MGAT5B: variants seen among roughly 807,000 people sequenced by gnomAD.
The protein encoded by MGAT5B is N-acetylglucosaminyl-transferase Vb.
In MGAT5B, 54 loss-of-function variants were observed where a neutral mutation model predicts 95.1. The observed-to-expected ratio is 0.57, with a 90% confidence interval of 0.46 to 0.71. The LOEUF (loss-of-function observed/expected upper bound fraction) is 0.71, where lower values mean the gene tolerates loss of function less well. Among genes scored for constraint, MGAT5B ranks in the 30% least tolerant of loss-of-function variants. MGAT5B has a pLI of 0.00. For missense variants in MGAT5B, 935 were observed against 1,088.6 expected, an observed-to-expected ratio of 0.86 and a Z score of 1.99; for synonymous variants, 464 against 451.0, an observed-to-expected ratio of 1.03 and a Z score of -0.36.
rs1966902311 is a variant in MGAT5B, at chr17:76,869,188, G to A, written c.68+91G>A. 4 of 1,153,546 alleles carry A rather than the reference G, an allele frequency of 3.5e-6. No homozygotes were observed. Among genetic ancestry groups the A allele is most frequent in the Non-Finnish European group, 5.2e-6 (4 of 763,752 alleles). 71.5% of individuals were successfully genotyped at this position (1,153,546 alleles called of 1,614,324 possible). ...TCCTGCGAACGTTCAAGTCCTGGTG[G>A]CAGAGGGGGCGGTTCACACTTCAAC... On this transcript the variant is annotated intron_variant, in intron 1 of 17. Coordinates refer to ENST00000569840, the MANE Select transcript of MGAT5B (RefSeq NM_001199172.2). The surrounding 1 kb of genome is among the most constrained non-coding windows in gnomAD (Gnocchi z 7.0).
rs1967386612 is a variant in MGAT5B at position 76,880,930 on chromosome 17, C to T, written c.182-1221C>T. On this transcript the variant is annotated intron_variant, in intron 2 of 17. Coordinates refer to ENST00000569840, the MANE Select transcript of MGAT5B (RefSeq NM_001199172.2). Reference sequence around the variant, plus strand: ...GTCCCAGGCTCTGCTTCTGGGGAGCCCAACCCACGGCATCCTCCATTGGGC... The same window carrying T: ...GTCCCAGGCTCTGCTTCTGGGGAGCTCAACCCACGGCATCCTCCATTGGGC... 3.3e-5 allele frequency among the ~76,000 whole-genome samples: 5 copies of T among 152,176 alleles called. No homozygotes were observed. In the South Asian group the frequency reaches 6.2e-4, roughly 19 times the overall value.
At chr17:76,883,358 A>G (rs920223257) in intron 3 of MGAT5B, among the ~76,000 whole-genome samples, 5 of 152,324 alleles carry the variant, frequency 3.3e-5, no homozygotes, top group African/African-American at 9.6e-5. Flanking sequence ...TGTGGATACT[A>G]TGTACCCCTG....
At chr17:76,945,568 C>T (rs1398806214) in intron 15 of MGAT5B, among the ~76,000 whole-genome samples, 2 of 152,226 alleles carry the variant, frequency 1.3e-5, no homozygotes, top group African/African-American at 2.4e-5. Flanking sequence ...GGATTACAGG[C>T]ATGAGCCACC....
In MGAT5B at chr17:76,949,243, C is replaced by G. The variant is rs944520103; in HGVS notation, c.*405C>G. 9 of 204,326 alleles carry G rather than the reference C, an allele frequency of 4.4e-5. No homozygotes were observed. The Admixed American group carries it at 4.8e-4, about 11-fold the overall frequency. The allele number at this position is 204,326 out of a possible 1,614,324, so 12.7% of individuals were successfully genotyped here. On this transcript the variant is annotated 3_prime_UTR_variant, in exon 18 of 18. Transcript: ENST00000569840. ...CCTCTAGACTTGCAAGGGAGAGGAACAGGGACCAGGCTGCCCCACGGTCCC... is the reference window on the plus strand; with the variant it reads ...CCTCTAGACTTGCAAGGGAGAGGAAGAGGGACCAGGCTGCCCCACGGTCCC...
chr17:76,880,381 C>T (rs1485349753), intron 2 of MGAT5B, among the ~76,000 whole-genome samples: 5 of 152,198 alleles, frequency 3.3e-5, no homozygotes, highest in Non-Finnish European at 5.9e-5. Context: ...GGGAGCCCAG[C>T]CAGGGGGTGA....
intron 2 of MGAT5B, among the ~76,000 whole-genome samples, chr17:76,873,206 T>A (rs1967069319): frequency 6.6e-6 from 1 of 152,220 alleles, no homozygotes; most frequent in African/African-American, 2.4e-5. Flanking sequence ...GCCAGGGTCT[T>A]CCAGGCCTCA....
intron 2 of MGAT5B, among the ~76,000 whole-genome samples, chr17:76,881,113 G>A (rs982065932): frequency 6.6e-6 from 1 of 152,186 alleles, no homozygotes; most frequent in Non-Finnish European, 1.5e-5. Context: ...CTGTGTGGAG[G>A]GGCAATGTGA....
At chr17:76,881,686 G>A (rs910850692) in intron 2 of MGAT5B, among the ~76,000 whole-genome samples, 4 of 152,204 alleles carry the variant, frequency 2.6e-5, no homozygotes, top group African/African-American at 7.2e-5. Flanking sequence ...ATGCTGCTGG[G>A]TGATTGGCCA....
intron 8 of MGAT5B, chr17:76,913,561 G>T: frequency 2.6e-6 from 1 of 387,176 alleles, no homozygotes; most frequent in South Asian, 1.9e-5. Flanking sequence ...CAGGGTCTTG[G>T]CCGTTGACAG....
chr17:76,947,898 C>T lies in MGAT5B; in HGVS notation c.1992C>T (p.Ala664=). Residue 664 remains alanine (A), a synonymous_variant, in exon 17 of 18, where the codon GCC becomes GCT. Transcript: ENST00000569840. ...CCCCGCAGAGCCCCTTTGTCCTGGC[C>T]CCCAATGCCACCCACCTCGAGTGGG... The part of the protein sequence containing the change: ...AHAPQSPFVL[A]PNATHLEWAR... 6.2e-7 allele frequency: 1 copy of T among 1,613,204 alleles called. No individual in the cohort carries two copies. Among genetic ancestry groups the T allele is most frequent in the Admixed American group, 1.7e-5 (1 of 59,960 alleles).
chr17:76,929,989 G>A (rs1396987730), intron 10 of MGAT5B, among the ~76,000 whole-genome samples: 1 of 152,180 alleles, frequency 6.6e-6, no homozygotes, highest in Non-Finnish European at 1.5e-5. Flanking sequence ...AGGGCTGGGT[G>A]GCAGTCTTGG....
intron 11 of MGAT5B, 53 bp downstream of exon 11, chr17:76,932,828 C>T (rs978247332): frequency 1.3e-6 from 2 of 1,597,212 alleles, no homozygotes; most frequent in South Asian, 1.1e-5. Context: ...CACAGGCCCC[C>T]GCCTGGGTCC....
chr17:76,894,706 T>G (rs1337302508), intron 3 of MGAT5B, among the ~76,000 whole-genome samples: 1 of 151,822 alleles, frequency 6.6e-6, no homozygotes, highest in African/African-American at 2.4e-5. Flanking sequence ...AATACAAAAA[T>G]TAGCTGGGCG....
intron 2 of MGAT5B, among the ~76,000 whole-genome samples, chr17:76,879,030 T>A (rs560252626): frequency 5.6e-4 from 85 of 152,326 alleles, no homozygotes; most frequent in Admixed American, 2.5e-3. Flanking sequence ...CATGCCACCA[T>A]GCTGCTGCTG....
chr17:76,897,660 A>ACCTTCTTTCTTTCTTTCTTT lies in MGAT5B; in HGVS notation c.330-4894_330-4893insCTTCTTTCTTTCTTTCTTTC, dbSNP rs1385091778. ...AAAGACCCTATTCCCAAGTAAGGCC[A>ACCTTCTTTCTTTCTTTCTTT]CTTTCTTTCTTTCTTTCTTTCTTTC... On this transcript the variant is annotated intron_variant, in intron 3 of 17. Transcript: ENST00000569840. Among the ~76,000 whole-genome samples the ACCTTCTTTCTTTCTTTCTTT allele has an allele frequency of 2.5e-3, 171 of 69,404 alleles. 8 individuals are homozygous for ACCTTCTTTCTTTCTTTCTTT. Among genetic ancestry groups the ACCTTCTTTCTTTCTTTCTTT allele is most frequent in the East Asian group, 0.015 (36 of 2,354 alleles). The allele number at this position is 69,404 out of a possible 152,430, so 45.5% of individuals were successfully genotyped here. A position where few individuals can be genotyped will look rare whatever the true frequency, so the allele number is the denominator to read the frequency against.
chr17:76,909,517 C>T (rs1968656263), intron 8 of MGAT5B, among the ~76,000 whole-genome samples: 1 of 152,212 alleles, frequency 6.6e-6, no homozygotes, highest in Non-Finnish European at 1.5e-5. Flanking sequence ...CTTCTCTCCA[C>T]TAATGCTAAT....
rs985295631 is a variant in MGAT5B, at chr17:76,927,714, C to T, written c.1291+984C>T. On this transcript the variant is annotated intron_variant, in intron 10 of 17. Coordinates refer to ENST00000569840, the MANE Select transcript of MGAT5B (RefSeq NM_001199172.2). Reference sequence around the variant, plus strand: ...AGAGGTGTGCGGAGCTGCGTCCCCTCCTCGTGTCTGGTTCACGCTGCGCTC... The same window carrying T: ...AGAGGTGTGCGGAGCTGCGTCCCCTTCTCGTGTCTGGTTCACGCTGCGCTC... 2.4e-4 allele frequency among the ~76,000 whole-genome samples: 36 copies of T among 152,372 alleles called. 1 individual carries two copies. Among genetic ancestry groups the T allele is most frequent in the Admixed American group, 4.6e-4 (7 of 15,308 alleles).
At chr17:76,907,664 T>G (rs1157437073) in intron 8 of MGAT5B, among the ~76,000 whole-genome samples, 1 of 152,272 alleles carries the variant, frequency 6.6e-6, no homozygotes, top group Non-Finnish European at 1.5e-5. Flanking sequence ...GTTGCCGTGG[T>G]GGACATTCTT....
chr17:76,919,495 T>C (rs551058150), intron 8 of MGAT5B, among the ~76,000 whole-genome samples: 17 of 152,368 alleles, frequency 1.1e-4, no homozygotes, highest in African/African-American at 4.1e-4. Context: ...AACGGTGTGA[T>C]CACAGCTCAT....
Sources: allele counts gnomAD v4.1 joint callset (sites outside exome capture counted in the v4.1 genomes callset), GRCh38; gene constraint gnomAD v4.1.1; non-coding constraint Gnocchi (gnomAD v3.1); transcripts MANE v1.5; gene names NCBI Gene and HGNC (gene_info 2026-07-23, HGNC 2026-07-21).